Variants in TNFRSF11B observed in about 807,000 individuals in gnomAD.
TNFRSF11B encodes the protein TNF receptor superfamily member 11b, also known as tumor necrosis factor receptor superfamily member 11B.
In TNFRSF11B, 16 loss-of-function variants were observed where a neutral mutation model predicts 43.4. The observed-to-expected ratio is 0.37, with a 90% CI of 0.25 to 0.56. The LOEUF is 0.56. Among genes scored for constraint, TNFRSF11B ranks in the 20% least tolerant of loss-of-function variants. The probability of loss-of-function intolerance (pLI) is 0.80; values close to 1 mark genes in which losing one functional copy is unlikely to be tolerated. For synonymous variants in TNFRSF11B, 185 were observed against 181.8 expected, an observed-to-expected ratio of 1.02 and a Z score of -0.14; for missense variants, 444 against 490.1, an observed-to-expected ratio of 0.91 and a Z score of 0.89.
chr8:118,924,880 A>G, intron 4 of TNFRSF11B, 118 bp from the exon 5 acceptor site: 21 of 1,303,044 alleles, frequency 1.6e-5, no homozygotes, highest in Non-Finnish European at 2.2e-5. Context: ...TTTCAATGAT[A>G]ACCTTTTCTT....
intron 1 of TNFRSF11B, among the ~76,000 whole-genome samples, chr8:118,936,571 C>T (rs1241280232): frequency 1.3e-5 from 2 of 152,170 alleles, no homozygotes; most frequent in Non-Finnish European, 2.9e-5. Flanking sequence ...TGCCACAGGA[C>T]AGATCACCTT....
intron 1 of TNFRSF11B, among the ~76,000 whole-genome samples, chr8:118,939,973 A>G (rs3134056): frequency 0.44 from 67,338 of 152,086 alleles, 15,463 homozygotes; most frequent in African/African-American, 0.57. Flanking sequence ...TGCTAAGTGC[A>G]TATACACTAT....
intron 1 of TNFRSF11B, among the ~76,000 whole-genome samples, chr8:118,941,262 A>T (rs1586959059): frequency 6.6e-6 from 1 of 152,204 alleles, no homozygotes; most frequent in Non-Finnish European, 1.5e-5. Flanking sequence ...TACTGCTGCC[A>T]GTTCCCCACC....
chr8:118,926,205 A>G (rs1163173559), intron 4 of TNFRSF11B, among the ~76,000 whole-genome samples: 1 of 152,176 alleles, frequency 6.6e-6, no homozygotes, highest in Non-Finnish European at 1.5e-5. Flanking sequence ...AGGGATCTGG[A>G]AGCGACTCCC....
At chr8:118,951,698 G>A (rs1812648500) in intron 1 of TNFRSF11B, 94 bp downstream of exon 1, 3 of 1,263,550 alleles carry the variant, frequency 2.4e-6, no homozygotes, top group Non-Finnish European at 3.4e-6. Flanking sequence ...AGCGAGTGGA[G>A]CCTTCTCCCC....
At chr8:118,951,611 GA>G (rs1812647022) in intron 1 of TNFRSF11B, among the ~76,000 whole-genome samples, 180 bp downstream of exon 1, 1 of 152,032 alleles carries the variant, frequency 6.6e-6, no homozygotes, top group African/African-American at 2.4e-5. Context: ...AGCGTAAAAG[GA>G]CACCCTAGGG....
Position 118,926,612 on chromosome 8 carries a change from G to A in TNFRSF11B, c.699C>T (p.Asn233=), listed in dbSNP as rs150457771. ...GTTTTATCCTCTCTACACTCTCTGC[G>A]TTTACTTTGGTGCCAGGCAAATTGT... ...LVDNLPGTKV[N]AESVERIKRQ... Residue 233 remains asparagine (N), a synonymous_variant, in exon 4 of 5, where the codon AAC becomes AAT. Coordinates refer to ENST00000297350, the MANE Select transcript of TNFRSF11B (RefSeq NM_002546.4). 2.9e-4 allele frequency: 465 copies of A among 1,614,000 alleles called. 5 individuals carry two copies. The highest frequency in any genetic ancestry group is 2.3e-3 in the African/African-American group (174 of 75,024).
At chr8:118,929,059 G>T in intron 2 of TNFRSF11B, 130 bp from the exon 3 acceptor site, 1 of 824,640 alleles carries the variant, frequency 1.2e-6, no homozygotes, top group Non-Finnish European at 2.0e-6. Context: ...CAAAACTCTA[G>T]CATTTTCATT....
chr8:118,934,283 T>C (rs1177387733), intron 1 of TNFRSF11B, among the ~76,000 whole-genome samples: 2 of 152,234 alleles, frequency 1.3e-5, no homozygotes, highest in African/African-American at 2.4e-5. Flanking sequence ...ACATGTCCCC[T>C]GTTGCCATAA....
chr8:118,935,609 T>G (rs1812395141), intron 1 of TNFRSF11B, among the ~76,000 whole-genome samples: 1 of 152,150 alleles, frequency 6.6e-6, no homozygotes, highest in South Asian at 2.1e-4. Context: ...TATAGGAGAA[T>G]TATATATGAT....
intron 1 of TNFRSF11B, among the ~76,000 whole-genome samples, chr8:118,936,915 C>T (rs1407993742): frequency 6.6e-6 from 1 of 152,112 alleles, no homozygotes; most frequent in Admixed American, 6.5e-5. Flanking sequence ...TTTCGTTGTC[C>T]TCCCATTCCC....
intron 1 of TNFRSF11B, among the ~76,000 whole-genome samples, chr8:118,934,979 T>C (rs1228910104): frequency 6.6e-6 from 1 of 152,214 alleles, no homozygotes; most frequent in Admixed American, 6.5e-5. Flanking sequence ...TTTGACCTAA[T>C]ATGAGTTGAT....
chr8:118,946,770 T>C (rs933278718), intron 1 of TNFRSF11B, among the ~76,000 whole-genome samples: 1 of 152,154 alleles, frequency 6.6e-6, no homozygotes, highest in Non-Finnish European at 1.5e-5. Context: ...GAGACACATT[T>C]TTTAAAAAAA....
chr8:118,926,518 C>G lies in TNFRSF11B; in HGVS notation c.793G>C (p.Asp265His), dbSNP rs1400793511. 2 of 1,613,828 alleles carry G rather than the reference C, an allele frequency of 1.2e-6. No homozygotes were observed. The highest frequency in any genetic ancestry group is 2.2e-5 in the South Asian group (2 of 91,072). ...KLWKHQNKDQ[D>H]IVKKIIQDID... is the part of the protein sequence containing the mutation. ...CCTTGGATGATCTTCTTGACTATAT[C>G]TTGGTCTTTGTTTTGATGTTTCCAT... is the stretch of plus-strand genomic sequence containing the variant. The change falls in exon 4 of 5, where the codon GAT becomes CAT. Residue 265 changes from aspartate to histidine, a missense_variant. Asp to His is a moderately conservative substitution (Grantham distance 81). Coordinates refer to ENST00000297350, the MANE Select transcript of TNFRSF11B (RefSeq NM_002546.4).
chr8:118,949,584 A>T (rs191199028), intron 1 of TNFRSF11B, among the ~76,000 whole-genome samples: 3 of 152,246 alleles, frequency 2.0e-5, no homozygotes, highest in Admixed American at 2.0e-4. Flanking sequence ...TTTTTGGTCC[A>T]CATGATAACA....
intron 1 of TNFRSF11B, among the ~76,000 whole-genome samples, chr8:118,942,396 T>C (rs1450692446): frequency 6.6e-6 from 1 of 151,812 alleles, no homozygotes; most frequent in Non-Finnish European, 1.5e-5. Context: ...TGAAGCCCAA[T>C]CAATATATGA....
intron 1 of TNFRSF11B, among the ~76,000 whole-genome samples, chr8:118,944,487 C>G (rs574136346): frequency 6.6e-6 from 1 of 152,252 alleles, no homozygotes; most frequent in East Asian, 1.9e-4. Flanking sequence ...TACACAATCC[C>G]ACCAAGCTTC....
At position 118,931,419 on chromosome 8, in the gene TNFRSF11B, G is replaced by A. The variant is rs565891590; in HGVS notation, c.400+1512C>T. 1.3e-4 allele frequency among the ~76,000 whole-genome samples: 20 copies of A among 152,248 alleles called. No homozygotes were observed. The South Asian group carries it at 4.1e-3, about 32-fold the overall frequency. ...TTACTTATTTAAGAAAGATCCTTGT[G>A]ATTTCCATTATTTTTCAAAATTTTC... On this transcript the variant is annotated intron_variant, in intron 2 of 4. Coordinates refer to ENST00000297350, the MANE Select transcript of TNFRSF11B (RefSeq NM_002546.4).
rs748104783 is a variant in TNFRSF11B, at chr8:118,928,791, G to A, written c.539C>T (p.Thr180Ile). ...GTTTCCGGAACATATGTTGTCGTGT[G>A]TTGCATTTCCTTTCTGAGTTAGCAG... ...GLLLTQKGNA[T>I]HDNICSGNSE... The change falls in exon 3 of 5, where the codon ACA becomes ATA. Residue 180 changes from threonine to isoleucine, a missense_variant. Transcript: ENST00000297350. 19 of 1,614,064 alleles carry A rather than the reference G, an allele frequency of 1.2e-5. 1 individual carries two copies. In the South Asian group the frequency reaches 1.6e-4, roughly 14 times the overall value.
Sources: gnomAD v4.1 joint callset for allele counts (sites outside exome capture counted in the v4.1 genomes callset) on GRCh38, gnomAD v4.1.1 for gene constraint, MANE v1.5 for transcripts, NCBI Gene and HGNC (gene_info 2026-07-23, HGNC 2026-07-21) for gene names.